GRM5: variants seen among roughly 807,000 people sequenced by gnomAD.
The protein encoded by GRM5 is glutamate metabotropic receptor 5, also known as metabotropic glutamate receptor 5.
A neutral mutation model predicts 83.1 loss-of-function variants in GRM5; 19 were observed. The observed-to-expected ratio is 0.23, with a 90% CI of 0.16 to 0.34. The LOEUF (loss-of-function observed/expected upper bound fraction) is 0.34. Among genes scored for constraint, GRM5 ranks in the 10% least tolerant of loss-of-function variants. The pLI, the probability that GRM5 is intolerant of heterozygous loss-of-function variation, is 1.00. For missense variants in GRM5, 1,160 were observed against 1,588.3 expected (o/e 0.73, Z 4.58); for synonymous variants, 675 against 633.6 (o/e 1.07, Z -0.98).
At chr11:88,866,758 G>C (rs1944673228) in intron 2 of GRM5, among the ~76,000 whole-genome samples, 2 of 152,240 alleles carry the variant, frequency 1.3e-5, no homozygotes, top group South Asian at 4.2e-4. Flanking sequence ...TGCTGTTGGT[G>C]CTTTAGTCAT....
intron 8 of GRM5, among the ~76,000 whole-genome samples, chr11:88,539,200 A>T (rs562800931): frequency 6.6e-6 from 1 of 152,210 alleles, no homozygotes; most frequent in Admixed American, 6.5e-5. Context: ...ATGGAGTATC[A>T]GGGTCCCTCA....
intron 2 of GRM5, among the ~76,000 whole-genome samples, chr11:88,969,444 A>G (rs892135599): frequency 6.6e-6 from 1 of 152,080 alleles, no homozygotes; most frequent in African/African-American, 2.4e-5. Context: ...TTCCCCATCA[A>G]AAGAACATCT....
chr11:88,585,507 G>A (rs1482817623), intron 7 of GRM5, among the ~76,000 whole-genome samples: 1 of 152,090 alleles, frequency 6.6e-6, no homozygotes, highest in Non-Finnish European at 1.5e-5. Context: ...CCAAAAGGTG[G>A]CCTTTGCTTT....
intron 2 of GRM5, among the ~76,000 whole-genome samples, chr11:88,879,694 G>A (rs1944919982): frequency 6.6e-6 from 1 of 151,668 alleles, no homozygotes; most frequent in Non-Finnish European, 1.5e-5. Context: ...AATAATTCCT[G>A]AGTAAATATT....
At chr11:88,836,569 G>T (rs567184641) in intron 3 of GRM5, among the ~76,000 whole-genome samples, 1 of 152,266 alleles carries the variant, frequency 6.6e-6, no homozygotes, top group African/African-American at 2.4e-5. Context: ...GGAAGATGAG[G>T]TCACTGGAAA....
intron 3 of GRM5, among the ~76,000 whole-genome samples, chr11:88,707,927 A>G (rs1175749181): frequency 2.0e-5 from 3 of 152,088 alleles, no homozygotes; most frequent in Non-Finnish European, 4.4e-5. Flanking sequence ...CTCTGTTACC[A>G]TCACTGGAAG....
intron 2 of GRM5, among the ~76,000 whole-genome samples, chr11:88,977,787 G>A (rs1355655086): frequency 6.6e-6 from 1 of 152,222 alleles, no homozygotes; most frequent in Non-Finnish European, 1.5e-5. Flanking sequence ...GATGCAACAT[G>A]CATAGAATTA....
At chr11:88,902,915 C>T (rs936507979) in intron 2 of GRM5, among the ~76,000 whole-genome samples, 2 of 133,210 alleles carry the variant, frequency 1.5e-5, no homozygotes, top group African/African-American at 5.9e-5. Context: ...CGTGCCACTG[C>T]ACTCCAGCCT....
intron 3 of GRM5, among the ~76,000 whole-genome samples, chr11:88,698,730 T>G (rs1940958744): frequency 1.3e-5 from 2 of 152,180 alleles, no homozygotes; most frequent in South Asian, 4.1e-4. Context: ...CCAGTTAGAC[T>G]GCAGTCTCAG....
intron 8 of GRM5, among the ~76,000 whole-genome samples, chr11:88,536,526 G>T (rs1328348623): frequency 2.0e-5 from 3 of 152,112 alleles, no homozygotes; most frequent in Admixed American, 6.5e-5. Context: ...TCTTGACTTT[G>T]CTGTAGTTAT....
At chr11:88,705,926 T>C (rs1399255704) in intron 3 of GRM5, among the ~76,000 whole-genome samples, 1 of 151,962 alleles carries the variant, frequency 6.6e-6, no homozygotes, top group Non-Finnish European at 1.5e-5. Flanking sequence ...TATCACACAC[T>C]TTTTAGAGTG....
intron 9 of GRM5, among the ~76,000 whole-genome samples, chr11:88,521,398 C>T (rs1457099933): frequency 6.6e-6 from 1 of 152,134 alleles, no homozygotes; most frequent in Admixed American, 6.5e-5. Flanking sequence ...GCCTGGGTGA[C>T]ATTGCAGACT....
intron 3 of GRM5, among the ~76,000 whole-genome samples, chr11:88,762,175 A>G (rs925848811): frequency 6.6e-6 from 1 of 152,170 alleles, no homozygotes; most frequent in Non-Finnish European, 1.5e-5. Context: ...AACAAAATCA[A>G]AAACTGAGAA....
intron 4 of GRM5, among the ~76,000 whole-genome samples, chr11:88,647,977 T>TTAAAAAGTCA (rs1413215586): frequency 2.7e-5 from 4 of 150,064 alleles, no homozygotes; most frequent in Non-Finnish European, 3.0e-5. Flanking sequence ...CCAGTTAGAA[T>TTAAAAAGTCA]GGCAATCATT....
intron 2 of GRM5, among the ~76,000 whole-genome samples, chr11:88,912,975 T>C (rs1384818726): frequency 1.3e-5 from 2 of 152,214 alleles, no homozygotes; most frequent in Non-Finnish European, 2.9e-5. Flanking sequence ...CTTGATTCAA[T>C]CCTCCCTGTT....
chr11:88,986,727 CT>C (rs60281684), intron 2 of GRM5, among the ~76,000 whole-genome samples: 41 of 93,106 alleles, frequency 4.4e-4, no homozygotes, highest in East Asian at 1.9e-3. Context: ...TTTATTTTTG[CT>C]TTTTTTTTTT....
chr11:88,664,715 G>C (rs1028325000), intron 3 of GRM5, among the ~76,000 whole-genome samples: 64 of 152,086 alleles, frequency 4.2e-4, no homozygotes, highest in African/African-American at 1.5e-3. Context: ...CCAAAGTGCT[G>C]GGATTACAGG....
intron 6 of GRM5, 135 bp downstream of exon 6, chr11:88,597,049 G>A: frequency 1.8e-6 from 1 of 559,356 alleles, no homozygotes. Flanking sequence ...CACAAGGAAT[G>A]AGTGAGAATT....
At chr11:88,592,727 C>T (rs952908424) in intron 6 of GRM5, among the ~76,000 whole-genome samples, 11 of 152,130 alleles carry the variant, frequency 7.2e-5, no homozygotes, top group Admixed American at 1.3e-4. Context: ...ATTTTATGTT[C>T]TGTTTCACAT....
Sources: allele counts gnomAD v4.1 joint callset (sites outside exome capture counted in the v4.1 genomes callset), GRCh38; gene constraint gnomAD v4.1.1; transcripts MANE v1.5; gene names NCBI Gene and HGNC (gene_info 2026-07-23, HGNC 2026-07-21).